The following SLX9 variants were observed in gnomAD, a reference collection of about 807,000 sequenced individuals.
The protein encoded by SLX9 is ribosome biogenesis protein SLX9 homolog.
A neutral mutation model predicts 20.8 loss-of-function variants in SLX9; 19 were observed. The ratio of observed to expected loss-of-function variants is 0.91; its 90% CI spans 0.64 to 1.34. The LOEUF (loss-of-function observed/expected upper bound fraction) is 1.34. SLX9 is among the 40% of genes most tolerant of loss of function. The pLI, the probability that SLX9 is intolerant of heterozygous loss-of-function variation, is 0.00. For missense variants in SLX9, 299 were observed against 322.2 expected (o/e 0.93, Z 0.55); for synonymous variants, 113 against 137.1 (o/e 0.82, Z 1.23).
chr21:44,964,054 C>G (rs2084991383), intron 3 of SLX9, among the ~76,000 whole-genome samples: 1 of 152,200 alleles, frequency 6.6e-6, no homozygotes, highest in East Asian at 1.9e-4. Context: ...CATAGTATAT[C>G]TCACCATTTA....
At chr21:44,949,536 C>T (rs890817201) in intron 2 of SLX9, among the ~76,000 whole-genome samples, 5 of 152,176 alleles carry the variant, frequency 3.3e-5, no homozygotes, top group Admixed American at 6.5e-5. Context: ...CAGGCCAGAG[C>T]GCACCATGGA....
chr21:44,944,213 G>C (rs961315404), intron 2 of SLX9, among the ~76,000 whole-genome samples: 1 of 152,236 alleles, frequency 6.6e-6, no homozygotes, highest in Admixed American at 6.5e-5. Flanking sequence ...TTTATGTGTT[G>C]CAGAGGTTAG....
intron 1 of SLX9, 88 bp downstream of exon 1, chr21:44,940,274 AC>A: frequency 8.4e-7 from 1 of 1,189,302 alleles, no homozygotes; most frequent in Non-Finnish European, 1.0e-6. Flanking sequence ...GGGTTCCGCG[AC>A]CCCGGCCTTC....
chr21:44,946,512 T>G (rs2084645574), intron 2 of SLX9, among the ~76,000 whole-genome samples: 1 of 152,234 alleles, frequency 6.6e-6, no homozygotes, highest in African/African-American at 2.4e-5. Flanking sequence ...CACTTAGTGC[T>G]TCTGGCCAGG....
chr21:44,946,448 C>T (rs536194246), intron 2 of SLX9, among the ~76,000 whole-genome samples: 20 of 151,280 alleles, frequency 1.3e-4, no homozygotes, highest in Non-Finnish European at 2.5e-4. Flanking sequence ...TTATTTGAGC[C>T]GTGCGGCAGG....
At chr21:44,964,349 T>C (rs906456421) in intron 3 of SLX9, among the ~76,000 whole-genome samples, 1 of 152,230 alleles carries the variant, frequency 6.6e-6, no homozygotes, top group African/African-American at 2.4e-5. Flanking sequence ...TTTGCTTTTT[T>C]TCCCCAATAT....
Position 44,967,198 on chromosome 21 carries a change from G to C in SLX9, c.500+17G>C. 1 of 1,552,186 alleles carries C rather than the reference G, an allele frequency of 6.4e-7. No homozygotes were observed. Among genetic ancestry groups the C allele is most frequent in the South Asian group, 1.2e-5 (1 of 81,540 alleles). On this transcript the variant is annotated intron_variant, in intron 4 of 5. Coordinates refer to ENST00000291634, the MANE Select transcript of SLX9 (RefSeq NM_058190.4). ...AGCCCGCAGGTGAGTGTCCGGGAGG[G>C]GTGGCCCTTTCCGAGCTGTGGGGCT... is the stretch of plus-strand genomic sequence containing the variant.
intron 2 of SLX9, among the ~76,000 whole-genome samples, chr21:44,954,604 C>T (rs886956955): frequency 5.3e-5 from 8 of 152,296 alleles, no homozygotes; most frequent in Admixed American, 1.3e-4. Flanking sequence ...GTGGTGGAAA[C>T]GTCCTCCGGC....
intron 3 of SLX9, among the ~76,000 whole-genome samples, chr21:44,960,732 G>C (rs1439195974): frequency 6.6e-6 from 1 of 152,228 alleles, no homozygotes; most frequent in Non-Finnish European, 1.5e-5. Context: ...GGTCAGCCTT[G>C]CCACGTGCTC....
At chr21:44,970,786 G>C (rs2085128881) in intron 4 of SLX9, among the ~76,000 whole-genome samples, 2 of 152,202 alleles carry the variant, frequency 1.3e-5, no homozygotes, top group Non-Finnish European at 2.9e-5. Context: ...CCCACCTAGT[G>C]GGGAGAACAT....
At chr21:44,967,424 G>A (rs535262195) in intron 4 of SLX9, among the ~76,000 whole-genome samples, 8 of 152,274 alleles carry the variant, frequency 5.3e-5, no homozygotes, top group African/African-American at 1.9e-4. Context: ...GAGCCTGGTG[G>A]CTCTGCTGAT....
intron 5 of SLX9, among the ~76,000 whole-genome samples, chr21:44,973,830 G>A (rs368037072): frequency 6.6e-6 from 1 of 152,194 alleles, no homozygotes; most frequent in Non-Finnish European, 1.5e-5. Flanking sequence ...CTGCTCCAGG[G>A]GGGCTTTTCA....
At chr21:44,969,492 C>G (rs2085104010) in intron 4 of SLX9, among the ~76,000 whole-genome samples, 1 of 152,190 alleles carries the variant, frequency 6.6e-6, no homozygotes, top group Non-Finnish European at 1.5e-5. Flanking sequence ...TGCTCTCAGC[C>G]CTGAGAGCCT....
intron 2 of SLX9, among the ~76,000 whole-genome samples, chr21:44,953,200 C>T (rs1026538527): frequency 6.6e-6 from 1 of 152,248 alleles, no homozygotes; most frequent in Admixed American, 6.5e-5. Flanking sequence ...GAGTGCCCCC[C>T]GGCTACAGGG....
At chr21:44,944,807 G>A (rs1321530481) in intron 2 of SLX9, among the ~76,000 whole-genome samples, 1 of 152,246 alleles carries the variant, frequency 6.6e-6, no homozygotes, top group Non-Finnish European at 1.5e-5. Context: ...TGGGCTCTGG[G>A]CCTCTGCCCC....
intron 4 of SLX9, chr21:44,969,340 C>T (rs1023798339): frequency 4.9e-6 from 2 of 410,666 alleles, no homozygotes; most frequent in Admixed American, 5.5e-5. Flanking sequence ...GGTCAAGTAT[C>T]CTTTCCCTGT....
chr21:44,951,150 C>G (rs533823747), intron 2 of SLX9, among the ~76,000 whole-genome samples: 25 of 152,276 alleles, frequency 1.6e-4, no homozygotes, highest in Admixed American at 9.2e-4. Flanking sequence ...CTTGGCCAGC[C>G]TCTTCTGTGC....
At chr21:44,961,091 C>T (rs561852657) in intron 3 of SLX9, among the ~76,000 whole-genome samples, 3 of 152,140 alleles carry the variant, frequency 2.0e-5, no homozygotes, top group African/African-American at 7.2e-5. Context: ...GGAAATGATT[C>T]ATTCCTCCAT....
At chr21:44,942,060 C>A (rs2084560284) in intron 1 of SLX9, among the ~76,000 whole-genome samples, 1 of 152,242 alleles carries the variant, frequency 6.6e-6, no homozygotes, top group Admixed American at 6.5e-5. Flanking sequence ...CTTTAGTTGT[C>A]TTGGCTCATT....
Sources: allele counts gnomAD v4.1 joint callset (sites outside exome capture counted in the v4.1 genomes callset), GRCh38; gene constraint gnomAD v4.1.1; transcripts MANE v1.5; gene names NCBI Gene and HGNC (gene_info 2026-07-23, HGNC 2026-07-21).